Variants in SPECC1L observed in about 807,000 individuals in gnomAD.
The protein encoded by SPECC1L is cytospin-A.
A neutral mutation model predicts 116.8 loss-of-function variants in SPECC1L; 40 were observed. That is an observed-to-expected ratio of 0.34 (90% CI 0.27 to 0.45). SPECC1L has a LOEUF of 0.45. Ranked by LOEUF, SPECC1L falls within the 20% of genes least tolerant of loss-of-function variation. The pLI is 1.00. For synonymous variants in SPECC1L, 504 were observed against 500.6 expected, an observed-to-expected ratio of 1.01 and a Z score of -0.09; for missense variants, 1,110 against 1,373.6, an observed-to-expected ratio of 0.81 and a Z score of 3.03.
At chr22:24,344,351 A>T (rs2041245246) in intron 10 of SPECC1L, among the ~76,000 whole-genome samples, 1 of 152,172 alleles carries the variant, frequency 6.6e-6, no homozygotes, top group Non-Finnish European at 1.5e-5. Context: ...ATTAAAAAAA[A>T]AAACATTAAT....
At chr22:24,386,377 G>C (rs1490149584) in intron 14 of SPECC1L, among the ~76,000 whole-genome samples, 1 of 151,816 alleles carries the variant, frequency 6.6e-6, no homozygotes, top group Non-Finnish European at 1.5e-5. Flanking sequence ...ACTTGGCCTG[G>C]GCAACATAGT....
At chr22:24,296,020 CTG>C (rs1186603146) in intron 2 of SPECC1L, among the ~76,000 whole-genome samples, 3 of 152,136 alleles carry the variant, frequency 2.0e-5, no homozygotes, top group African/African-American at 7.2e-5. Context: ...GCAGGTTGAG[CTG>C]TGTAGTTTTA....
chr22:24,361,078 T>C (rs1051233300), intron 11 of SPECC1L, among the ~76,000 whole-genome samples: 1 of 152,328 alleles, frequency 6.6e-6, no homozygotes, highest in East Asian at 1.9e-4. Flanking sequence ...CAAATAATTA[T>C]AACCAAATGT....
intron 12 of SPECC1L, among the ~76,000 whole-genome samples, chr22:24,364,630 C>G (rs1375969950): frequency 6.9e-6 from 1 of 145,660 alleles, no homozygotes; most frequent in Non-Finnish European, 1.5e-5. Flanking sequence ...CCACTGCACT[C>G]CAGCCTGGGT....
Position 24,322,392 on chromosome 22 carries a change from A to C in SPECC1L, c.1412A>C (p.Asp471Ala). Residue 471 changes from aspartate (D) to alanine (A), a missense_variant, in exon 5 of 17, where the codon GAT (aspartate) becomes GCT (alanine). Physicochemically the swap from Asp to Ala is moderately radical, Grantham distance 126. This residue lies in a region of SPECC1L where 575 missense variants were observed against 682.4 expected (regional missense o/e 0.84). Transcript: ENST00000314328. Reference sequence around the variant, plus strand: ...ATTGAATACTTCCGCTCTCTTCTAGATGAGCATCACATTTCTTATGTCATA... The same window carrying C: ...ATTGAATACTTCCGCTCTCTTCTAGCTGAGCATCACATTTCTTATGTCATA... ...RQIEYFRSLL[D>A]EHHISYVIDE... 6.2e-7 allele frequency: 1 copy of C among 1,614,222 alleles called. No homozygotes were observed. Among genetic ancestry groups the C allele is most frequent in the Admixed American group, 1.7e-5 (1 of 60,034 alleles).
At position 24,352,470 on chromosome 22, in the gene SPECC1L, A is replaced by G. The variant is rs117875240; in HGVS notation, c.2743+5294A>G. Among the ~76,000 whole-genome samples the G allele has an allele frequency of 7.0e-3, 1,059 of 152,236 alleles. 8 individuals carry two copies. The highest frequency in any genetic ancestry group is 0.012 in the Non-Finnish European group (790 of 68,022). On this transcript the variant is annotated intron_variant, in intron 11 of 16. Coordinates refer to ENST00000314328, the MANE Select transcript of SPECC1L (RefSeq NM_015330.6). Reference sequence around the variant, plus strand: ...GTGTTCTGTAAGGAAATTTCATACCATTATTACCTGTCTAAATTGTGTTAC... The same window carrying G: ...GTGTTCTGTAAGGAAATTTCATACCGTTATTACCTGTCTAAATTGTGTTAC...
chr22:24,307,022 T>A (rs1298256217), intron 3 of SPECC1L, among the ~76,000 whole-genome samples: 1 of 152,230 alleles, frequency 6.6e-6, no homozygotes, highest in Non-Finnish European at 1.5e-5. Flanking sequence ...ATTGTATGTA[T>A]ATGCTATATT....
chr22:24,368,191 A>G (rs765398776), intron 13 of SPECC1L, among the ~76,000 whole-genome samples: 70 of 152,244 alleles, frequency 4.6e-4, no homozygotes, highest in Non-Finnish European at 5.0e-4. Flanking sequence ...AATCATATGT[A>G]TAGCCACGGA....
chr22:24,333,085 G>A lies in SPECC1L; in HGVS notation c.2397-1325G>A, dbSNP rs1388127904. 4.6e-5 allele frequency among the ~76,000 whole-genome samples: 7 copies of A among 152,058 alleles called. No individual in the cohort carries two copies. The East Asian group carries it at 5.8e-4, about 13-fold the overall frequency. ...GTCTACTAAAAATACAAAATTAGCC[G>A]GGGGTGGTGGCACATGCCTGTAATC... On this transcript the variant is annotated intron_variant, in intron 8 of 16. Transcript: ENST00000314328.
At chr22:24,359,100 G>GA (rs200307734) in intron 11 of SPECC1L, among the ~76,000 whole-genome samples, 4 of 150,706 alleles carry the variant, frequency 2.7e-5, no homozygotes, top group Non-Finnish European at 3.0e-5. Flanking sequence ...CCTTTGTTAA[G>GA]AAAAAAAAAC....
At chr22:24,347,517 T>A (rs1353675065) in intron 11 of SPECC1L, among the ~76,000 whole-genome samples, 2 of 152,204 alleles carry the variant, frequency 1.3e-5, no homozygotes, top group Admixed American at 1.3e-4. Context: ...CAATTCAGGT[T>A]AACACAGTTA....
chr22:24,284,094 A>C (rs540171474), intron 2 of SPECC1L, among the ~76,000 whole-genome samples: 1 of 151,768 alleles, frequency 6.6e-6, no homozygotes, highest in East Asian at 1.9e-4. Context: ...TTTTGCTTAG[A>C]TGTTTATTCT....
Position 24,302,417 on chromosome 22 carries a change from T to G in SPECC1L, c.153+33T>G, listed in dbSNP as rs570177930. On this transcript the variant is annotated intron_variant, in intron 3 of 16. Transcript: ENST00000314328. The stretch of plus-strand genomic sequence containing the variant: ...TGTGATGTTTGAATACATGATGGGT[T>G]TTTGGAGGACTGAATTTAAATATGA... 1.9e-6 allele frequency: 3 copies of G among 1,612,704 alleles called. No homozygotes were observed. In the South Asian group the frequency reaches 3.3e-5, roughly 18 times the overall value.
chr22:24,333,292 T>C (rs960117739), intron 8 of SPECC1L, among the ~76,000 whole-genome samples: 2 of 152,208 alleles, frequency 1.3e-5, no homozygotes, highest in African/African-American at 2.4e-5. Context: ...TGGTACATCT[T>C]GAGGCAAAAT....
intron 3 of SPECC1L, among the ~76,000 whole-genome samples, chr22:24,310,662 C>CT (rs905467008): frequency 1.5e-4 from 22 of 150,544 alleles, no homozygotes; most frequent in South Asian, 2.1e-4. Flanking sequence ...ATTTTTCTGT[C>CT]TTTTTTTTTG....
intron 2 of SPECC1L, among the ~76,000 whole-genome samples, chr22:24,286,630 G>A (rs373669097): frequency 6.6e-6 from 1 of 152,114 alleles, no homozygotes; most frequent in Non-Finnish European, 1.5e-5. Context: ...ACTAAGAAGT[G>A]AGTAAAGTTC....
intron 9 of SPECC1L, among the ~76,000 whole-genome samples, chr22:24,337,432 T>C (rs2041083821): frequency 1.3e-5 from 2 of 152,130 alleles, no homozygotes; most frequent in African/African-American, 4.8e-5. Context: ...GGCGGGACAG[T>C]GGATGGGAAG....
intron 14 of SPECC1L, among the ~76,000 whole-genome samples, chr22:24,410,674 G>A (rs981953123): frequency 1.3e-5 from 2 of 152,146 alleles, no homozygotes; most frequent in South Asian, 2.1e-4. Flanking sequence ...GCAATCTCCA[G>A]TACATGTGGT....
chr22:24,272,219 A>G (rs2048740979), intron 1 of SPECC1L, among the ~76,000 whole-genome samples: 2 of 151,836 alleles, frequency 1.3e-5, no homozygotes, highest in South Asian at 4.1e-4. Context: ...TGTCTCTACT[A>G]AAAATACAAA....
Sources: gnomAD v4.1 joint callset for allele counts (sites outside exome capture counted in the v4.1 genomes callset) on GRCh38, gnomAD v4.1.1 for gene constraint, gnomAD v4.1.1 regional missense constraint, MANE v1.5 for transcripts, NCBI Gene and HGNC (gene_info 2026-07-23, HGNC 2026-07-21) for gene names.